PGBD5: variants seen among roughly 807,000 people sequenced by gnomAD.
PGBD5 encodes piggyBac transposable element derived 5.
A neutral mutation model predicts 47.9 loss-of-function variants in PGBD5; 14 were observed. That is an observed-to-expected ratio of 0.29 (90% CI 0.19 to 0.46). PGBD5 has a LOEUF of 0.46. PGBD5 is among the 20% of genes least tolerant of loss of function. The pLI is 1.00. For missense variants in PGBD5, 635 were observed against 716.0 expected, an observed-to-expected ratio of 0.89 and a Z score of 1.29; for synonymous variants, 316 against 306.3, an observed-to-expected ratio of 1.03 and a Z score of -0.33.
At chr1:230,349,106 C>T (rs1424133825) in intron 3 of PGBD5, among the ~76,000 whole-genome samples, 2 of 152,176 alleles carry the variant, frequency 1.3e-5, no homozygotes, top group African/African-American at 4.8e-5. Context: ...CGAATCTGAA[C>T]TGAGAGAGAG....
intron 1 of PGBD5, among the ~76,000 whole-genome samples, chr1:230,393,781 C>T (rs563578855): frequency 1.4e-3 from 206 of 149,636 alleles, no homozygotes; most frequent in Non-Finnish European, 2.1e-3. Flanking sequence ...GCGGAGATCG[C>T]GCCACAGCAC....
intron 1 of PGBD5, among the ~76,000 whole-genome samples, chr1:230,403,472 T>C (rs61824800): frequency 9.5e-4 from 144 of 152,186 alleles, no homozygotes; most frequent in Non-Finnish European, 1.8e-3. Flanking sequence ...AGAGGTCCAG[T>C]GTAGGGCTTC....
intron 1 of PGBD5, among the ~76,000 whole-genome samples, chr1:230,368,513 G>C (rs1382628565): frequency 1.3e-5 from 2 of 152,262 alleles, no homozygotes; most frequent in African/African-American, 4.8e-5. Context: ...TTAGAACAGT[G>C]TCTGGCCCCT....
At position 230,382,619 on chromosome 1, in the gene PGBD5, C is replaced by T. The variant is rs1380162771; in HGVS notation, c.332-25298G>A. Among the ~76,000 whole-genome samples the T allele has an allele frequency of 4.6e-5, 7 of 152,264 alleles. No individual in the cohort carries two copies. The South Asian group carries it at 1.2e-3, about 27-fold the overall frequency. On this transcript the variant is annotated intron_variant, in intron 1 of 6. Coordinates refer to ENST00000391860, the MANE Select transcript of PGBD5 (RefSeq NM_001258311.2). The stretch of plus-strand genomic sequence containing the variant: ...CGGATTTTCAGCTCTGAAACCAGGG[C>T]AATCCTAGGTAAACTAGGGTGGTTG...
At chr1:230,398,532 G>C (rs957060874) in intron 1 of PGBD5, among the ~76,000 whole-genome samples, 1 of 152,180 alleles carries the variant, frequency 6.6e-6, no homozygotes, top group Non-Finnish European at 1.5e-5. Flanking sequence ...TTAGGACTTC[G>C]ACATATGAAT....
rs1666946251 is a variant in PGBD5, at chr1:230,316,165, T to C, written c.*7260A>G. 7.2e-6 allele frequency: 1 copy of C among 139,528 alleles called. No homozygotes were observed. The highest frequency in any genetic ancestry group is 1.6e-5 in the Non-Finnish European group (1 of 64,108). The allele number at this position is 139,528 out of a possible 1,614,324, so 8.6% of individuals were successfully genotyped here. ...ATATGTGTACACATATATGTATGTGTATACATACATACGTACACATGTGCA... is the reference window on the plus strand; with the variant it reads ...ATATGTGTACACATATATGTATGTGCATACATACATACGTACACATGTGCA... On this transcript the variant is annotated 3_prime_UTR_variant, in exon 7 of 7. Coordinates refer to ENST00000391860, the MANE Select transcript of PGBD5 (RefSeq NM_001258311.2).
intron 1 of PGBD5, among the ~76,000 whole-genome samples, chr1:230,390,363 A>G (rs1173708731): frequency 6.6e-6 from 1 of 152,196 alleles, no homozygotes; most frequent in Non-Finnish European, 1.5e-5. Flanking sequence ...AATCACCAGC[A>G]GAAGCCCAAA....
chr1:230,346,532 A>G (rs1667474858), intron 3 of PGBD5, among the ~76,000 whole-genome samples: 1 of 152,208 alleles, frequency 6.6e-6, no homozygotes, highest in Non-Finnish European at 1.5e-5. Context: ...GGCCTCATCT[A>G]TACCCAGCAT....
chr1:230,371,896 C>A (rs1407605816), intron 1 of PGBD5, among the ~76,000 whole-genome samples: 1 of 152,120 alleles, frequency 6.6e-6, no homozygotes, highest in African/African-American at 2.4e-5. Context: ...CAGTGCAGTA[C>A]CTTAAGTGCT....
chr1:230,401,977 T>C (rs1657149435), intron 1 of PGBD5, among the ~76,000 whole-genome samples: 1 of 152,158 alleles, frequency 6.6e-6, no homozygotes, highest in Non-Finnish European at 1.5e-5. Context: ...GCTCCTGAAG[T>C]GTCTCACACT....
chr1:230,385,985 G>A (rs1656628326), intron 1 of PGBD5, among the ~76,000 whole-genome samples: 1 of 152,110 alleles, frequency 6.6e-6, no homozygotes, highest in African/African-American at 2.4e-5. Context: ...AGAGTTTAAG[G>A]AGTATTGTAC....
chr1:230,398,278 G>T (rs1313216811), intron 1 of PGBD5, among the ~76,000 whole-genome samples: 1 of 152,178 alleles, frequency 6.6e-6, no homozygotes, highest in African/African-American at 2.4e-5. Context: ...CACAGTGCTG[G>T]AGGCGAGAAG....
Position 230,357,242 on chromosome 1 carries a change from G to T in PGBD5, c.411C>A (p.Asn137Lys), listed in dbSNP as rs1277359833. 1.2e-6 allele frequency: 2 copies of T among 1,614,018 alleles called. No individual in the cohort carries two copies. Among genetic ancestry groups the T allele is most frequent in the Non-Finnish European group, 1.7e-6 (2 of 1,180,034 alleles). Residue 137 changes from asparagine to lysine, a missense_variant, in exon 2 of 7, where the codon AAC (asparagine) becomes AAA (lysine). Coordinates refer to ENST00000391860, the MANE Select transcript of PGBD5 (RefSeq NM_001258311.2). This position sits in a 1 kb window ranked among gnomAD's most constrained non-coding sequence, Gnocchi z 5.7. ...QLFVPDNVLK[N>K]MVVQTNMYAK... ...CATACATGTTTGTCTGCACCACCAT[G>T]TTCTTGAGGACGTTGTCTGGGACAA...
intron 5 of PGBD5, 148 bp from the exon 6 acceptor site, chr1:230,325,563 A>C: frequency 3.1e-6 from 2 of 636,100 alleles, no homozygotes; most frequent in Non-Finnish European, 2.8e-6. Context: ...AAGAAGAACA[A>C]TCAGCACCAA....
chr1:230,396,288 C>T lies in PGBD5; in HGVS notation c.331+29310G>A, dbSNP rs369045077. 9.8e-4 allele frequency among the ~76,000 whole-genome samples: 108 copies of T among 110,580 alleles called. 1 individual carries two copies. Among genetic ancestry groups the T allele is most frequent in the South Asian group, 8.6e-3 (21 of 2,434 alleles). 72.5% of individuals were successfully genotyped at this position (110,580 alleles called of 152,430 possible). On this transcript the variant is annotated intron_variant, in intron 1 of 6. Coordinates refer to ENST00000391860, the MANE Select transcript of PGBD5 (RefSeq NM_001258311.2). The stretch of plus-strand genomic sequence containing the variant: ...CTCCTTTTTACCCCCACACTCTTCC[C>T]TTTTACCCCCACACTCCTCCCTTTT...
intron 1 of PGBD5, chr1:230,368,117 C>A (rs759331371): frequency 7.3e-7 from 1 of 1,367,888 alleles, no homozygotes; most frequent in Non-Finnish European, 9.8e-7. Flanking sequence ...AAGTTCTGAC[C>A]ACACAGATGG....
In PGBD5 at chr1:230,317,404, G is replaced by A. The variant is rs1175091550; in HGVS notation, c.*6021C>T. 6.6e-6 allele frequency: 1 copy of A among 152,244 alleles called. No homozygotes were observed. Among genetic ancestry groups the A allele is most frequent in the Non-Finnish European group, 1.5e-5 (1 of 68,058 alleles). 9.4% of individuals were successfully genotyped at this position (152,244 alleles called of 1,614,324 possible). ...GGACCGATGGTTGTCAGCTCCCAGG[G>A]CAATGCTGAGGACTCAGCAAAGGAA... On this transcript the variant is annotated 3_prime_UTR_variant, in exon 7 of 7. Transcript: ENST00000391860.
At chr1:230,386,848 G>A (rs980935549) in intron 1 of PGBD5, among the ~76,000 whole-genome samples, 1 of 152,190 alleles carries the variant, frequency 6.6e-6, no homozygotes, top group African/African-American at 2.4e-5. Flanking sequence ...ACTGGGCTAC[G>A]TTTCAATGGC....
intron 1 of PGBD5, among the ~76,000 whole-genome samples, chr1:230,382,031 C>G (rs906584999): frequency 2.0e-5 from 3 of 148,056 alleles, no homozygotes; most frequent in Non-Finnish European, 4.4e-5. Flanking sequence ...CTTTCTCATG[C>G]AAAGTTTTAA....
Sources: allele counts gnomAD v4.1 joint callset (sites outside exome capture counted in the v4.1 genomes callset), GRCh38; gene constraint gnomAD v4.1.1; non-coding constraint Gnocchi (gnomAD v3.1); transcripts MANE v1.5; gene names NCBI Gene and HGNC (gene_info 2026-07-23, HGNC 2026-07-21).